PCDHGA8: variants seen among roughly 807,000 people sequenced by gnomAD.
PCDHGA8 encodes the protein protocadherin gamma-A8.
Under a neutral mutation model 59.2 loss-of-function variants are expected in PCDHGA8, and 45 were observed. That is an observed-to-expected ratio of 0.76 (90% CI 0.60 to 0.98). The LOEUF is 0.98. Among genes scored for constraint, PCDHGA8 ranks in the 50% least tolerant of loss-of-function variants. The pLI, the probability that PCDHGA8 is intolerant of heterozygous loss-of-function variation, is 0.00. For synonymous variants in PCDHGA8, 531 were observed against 519.0 expected (o/e 1.02, Z -0.32); for missense variants, 1,257 against 1,196.2 (o/e 1.05, Z -0.75).
chr5:141,431,036 G>A lies in PCDHGA8; in HGVS notation c.2424+35799G>A. The A allele has an allele frequency of 6.2e-7, 1 of 1,614,204 alleles. No individual in the cohort carries two copies. Among genetic ancestry groups the A allele is most frequent in the Non-Finnish European group, 8.5e-7 (1 of 1,180,034 alleles). ...GGTCACGGCGGGCAGGATAGACCGG[G>A]AGGAGCTCTGTATGGGGGCCATCAA... On this transcript the variant is annotated intron_variant, in intron 1 of 3. Coordinates refer to ENST00000398604, the MANE Select transcript of PCDHGA8 (RefSeq NM_032088.2). This position sits in a 1 kb window ranked among gnomAD's most constrained non-coding sequence, Gnocchi z 4.8.
In PCDHGA8 at chr5:141,394,536, G is replaced by T; in HGVS notation, c.1723G>T (p.Val575Leu). ...CCTCCCCACAGACGGTTCCACTGGC[G>T]TGGAGCTGGCGCCCCGCTCCGCAGA... The part of the protein sequence containing the change: ...PALPTDGSTG[V>L]ELAPRSAERG... Residue 575 changes from valine (V) to leucine (L), a missense_variant, in exon 1 of 4, where the codon GTG (valine) becomes TTG (leucine). By Grantham distance (32) the Val-to-Leu change is conservative. Coordinates refer to ENST00000398604, the MANE Select transcript of PCDHGA8 (RefSeq NM_032088.2). 2 of 1,614,188 alleles carry T rather than the reference G, an allele frequency of 1.2e-6. No homozygotes were observed. The highest frequency in any genetic ancestry group is 1.7e-6 in the Non-Finnish European group (2 of 1,180,038).
chr5:141,414,822 C>G, intron 1 of PCDHGA8: 3 of 1,614,240 alleles, frequency 1.9e-6, no homozygotes, highest in Non-Finnish European at 2.5e-6. Flanking sequence ...TCAGCAGCAA[C>G]GTGTCGTTGA....
In PCDHGA8 at chr5:141,418,047, C is replaced by G. The variant is rs968352679; in HGVS notation, c.2424+22810C>G. The G allele has an allele frequency of 6.2e-6, 10 of 1,613,894 alleles. No individual in the cohort carries two copies. The highest frequency in any genetic ancestry group is 1.6e-4 in the Middle Eastern group (1 of 6,076). ...GGGCTTAGTGTCCTGGATGTGTCGG[C>G]TCGCGAGCTGCGAGTGAGCGCGGAG... On this transcript the variant is annotated intron_variant, in intron 1 of 3. Transcript: ENST00000398604.
chr5:141,434,877 C>A (rs1266355299), intron 1 of PCDHGA8, among the ~76,000 whole-genome samples: 1 of 151,612 alleles, frequency 6.6e-6, no homozygotes, highest in Non-Finnish European at 1.5e-5. Flanking sequence ...TGACAGATAC[C>A]AACAACAATC....
At chr5:141,407,985 A>C in intron 1 of PCDHGA8, 6 of 789,616 alleles carry the variant, frequency 7.6e-6, no homozygotes, top group Non-Finnish European at 1.1e-5. Flanking sequence ...GGGATCCGTC[A>C]GCCTCTGGCC....
chr5:141,432,378 C>A lies in PCDHGA8; in HGVS notation c.2424+37141C>A. On this transcript the variant is annotated intron_variant, in intron 1 of 3. Coordinates refer to ENST00000398604, the MANE Select transcript of PCDHGA8 (RefSeq NM_032088.2). This position sits in a 1 kb window ranked among gnomAD's most constrained non-coding sequence, Gnocchi z 6.0. ...GTGATGGCGCGGGACAACGGGCACC[C>A]GCCCCTCAGCAGCAACGTGTCGTTG... 6.2e-7 allele frequency: 1 copy of A among 1,614,234 alleles called. No individual in the cohort carries two copies. Among genetic ancestry groups the A allele is most frequent in the South Asian group, 1.1e-5 (1 of 91,082 alleles).
chr5:141,399,221 T>C (rs564668507), intron 1 of PCDHGA8: 1 of 1,613,960 alleles, frequency 6.2e-7, no homozygotes, highest in Non-Finnish European at 8.5e-7. Flanking sequence ...ATTGCTTTGA[T>C]CAAAATACAT....
intron 1 of PCDHGA8, chr5:141,408,971 C>A: frequency 6.2e-7 from 1 of 1,613,816 alleles, no homozygotes; most frequent in Non-Finnish European, 8.5e-7. Context: ...AAATCTGCCC[C>A]CTGGGTCCCC....
chr5:141,495,122 C>T (rs1365586518), intron 2 of PCDHGA8, among the ~76,000 whole-genome samples: 2 of 152,282 alleles, frequency 1.3e-5, no homozygotes, highest in East Asian at 3.9e-4. Flanking sequence ...TTCCTATCCC[C>T]TGAGGGCACT....
chr5:141,503,671 A>G (rs1028896082), intron 2 of PCDHGA8, among the ~76,000 whole-genome samples: 2 of 151,950 alleles, frequency 1.3e-5, no homozygotes, highest in Non-Finnish European at 2.9e-5. Flanking sequence ...AACTCTTCCC[A>G]CTTTTGGGAA....
At chr5:141,421,564 G>C in intron 1 of PCDHGA8, 1 of 1,613,982 alleles carries the variant, frequency 6.2e-7, no homozygotes, top group Non-Finnish European at 8.5e-7. Context: ...TCTCGTGGAA[G>C]ACACCTTGAA....
intron 1 of PCDHGA8, chr5:141,405,303 G>C: frequency 1.2e-6 from 2 of 1,614,230 alleles, no homozygotes; most frequent in African/African-American, 1.3e-5. Context: ...AGCCAGCAGA[G>C]CTGTGAGAAA....
intron 2 of PCDHGA8, among the ~76,000 whole-genome samples, chr5:141,501,690 A>G (rs760011264): frequency 5.3e-5 from 8 of 152,158 alleles, no homozygotes; most frequent in Non-Finnish European, 1.0e-4. Context: ...ACTTATCTGC[A>G]GGGTGATTCC....
At chr5:141,422,871 G>C in intron 1 of PCDHGA8, 3 of 1,614,216 alleles carry the variant, frequency 1.9e-6, no homozygotes, top group South Asian at 1.1e-5. Flanking sequence ...GCAACGTGTC[G>C]CTGAGCCTGT....
intron 1 of PCDHGA8, among the ~76,000 whole-genome samples, chr5:141,430,014 G>A (rs925858697): frequency 6.6e-6 from 1 of 152,130 alleles, no homozygotes; most frequent in South Asian, 2.1e-4. Context: ...TTTCACTTGG[G>A]TTCTTGTTAA....
Position 141,490,330 on chromosome 5 carries a change from C to G in PCDHGA8, c.2425-4477C>G. 4 of 1,614,198 alleles carry G rather than the reference C, an allele frequency of 2.5e-6. No homozygotes were observed. Among genetic ancestry groups the G allele is most frequent in the South Asian group, 1.1e-5 (1 of 91,082 alleles). On this transcript the variant is annotated intron_variant, in intron 1 of 3. Coordinates refer to ENST00000398604, the MANE Select transcript of PCDHGA8 (RefSeq NM_032088.2). This position sits in a 1 kb window ranked among gnomAD's most constrained non-coding sequence, Gnocchi z 5.4. ...GGCCAACCCTGTCCTAGAGAGCACACCAGTGGGCACAGTAGTGGGGTTGTT... is the reference window on the plus strand; with the variant it reads ...GGCCAACCCTGTCCTAGAGAGCACAGCAGTGGGCACAGTAGTGGGGTTGTT...
chr5:141,412,940 T>C, intron 1 of PCDHGA8: 1 of 463,218 alleles, frequency 2.2e-6, no homozygotes, highest in Non-Finnish European at 3.8e-6. Flanking sequence ...CTTAGGACTC[T>C]GAGCGCCGCT....
chr5:141,429,105 C>A (rs936114624), intron 1 of PCDHGA8: 2 of 152,318 alleles, frequency 1.3e-5, no homozygotes, highest in African/African-American at 4.8e-5. Flanking sequence ...CTGCCCGCCT[C>A]GGCCTCCCAA....
rs778172652 is a variant in PCDHGA8, at chr5:141,418,978, C to G, written c.2424+23741C>G. 4 of 1,613,790 alleles carry G rather than the reference C, an allele frequency of 2.5e-6. No individual in the cohort carries two copies. In the South Asian group the frequency reaches 4.4e-5, roughly 18 times the overall value. ...TTGTTGCCCTCTTCAAAACACGGGACCAAGACTCAGGGGAAAATGGGGAAG... is the reference window on the plus strand; with the variant it reads ...TTGTTGCCCTCTTCAAAACACGGGAGCAAGACTCAGGGGAAAATGGGGAAG... On this transcript the variant is annotated intron_variant, in intron 1 of 3. Coordinates refer to ENST00000398604, the MANE Select transcript of PCDHGA8 (RefSeq NM_032088.2).
Sources: allele counts gnomAD v4.1 joint callset (sites outside exome capture counted in the v4.1 genomes callset), GRCh38; gene constraint gnomAD v4.1.1; non-coding constraint Gnocchi (gnomAD v3.1); transcripts MANE v1.5; gene names NCBI Gene and HGNC (gene_info 2026-07-23, HGNC 2026-07-21).